TACC2: variants seen among roughly 807,000 people sequenced by gnomAD.
TACC2 encodes transforming acidic coiled-coil-containing protein 2.
Under a neutral mutation model 227.3 loss-of-function variants are expected in TACC2, and 137 were observed. That is an observed-to-expected ratio of 0.60 (90% confidence interval 0.52 to 0.69). The LOEUF is 0.69. TACC2 is among the 30% of genes least tolerant of loss of function. TACC2 has a pLI of 0.00. For synonymous variants in TACC2, 1,523 were observed against 1,487.5 expected, an observed-to-expected ratio of 1.02 and a Z score of -0.55; for missense variants, 3,470 against 3,694.4, an observed-to-expected ratio of 0.94 and a Z score of 1.57.
intron 22 of TACC2, 86 bp downstream of exon 22, chr10:122,249,750 C>A (rs1422452023): frequency 6.9e-6 from 10 of 1,458,170 alleles, no homozygotes; most frequent in Non-Finnish European, 9.2e-6. Flanking sequence ...GGCTGGGCTT[C>A]CCTGGCCACT....
chr10:122,202,976 G>GT (rs1404209527), intron 8 of TACC2, among the ~76,000 whole-genome samples: 1 of 151,494 alleles, frequency 6.6e-6, no homozygotes, highest in African/African-American at 2.4e-5. Flanking sequence ...AGGGTTGGGG[G>GT]TAAGGTCACA....
intron 3 of TACC2, among the ~76,000 whole-genome samples, chr10:122,068,811 G>A (rs1395012301): frequency 6.7e-6 from 1 of 150,370 alleles, no homozygotes. Context: ...CTACAGACGC[G>A]CTCCACCACA....
rs149664604 is a variant in TACC2, at chr10:122,083,953, G to A, written c.1453G>A (p.Asp485Asn). The A allele has an allele frequency of 6.2e-7, 1 of 1,614,076 alleles. No homozygotes were observed. The highest frequency in any genetic ancestry group is 2.2e-5 in the East Asian group (1 of 44,866). ...LGSKGEHPEG[D>N]PGEVPAPSPQ... ...AAGCAAGGGAGAGCATCCAGAAGGGGACCCTGGAGAGGTTCCTGCCCCATC... is the reference window on the plus strand; with the variant it reads ...AAGCAAGGGAGAGCATCCAGAAGGGAACCCTGGAGAGGTTCCTGCCCCATC... The change falls in exon 4 of 23, where the codon GAC (aspartate) becomes AAC (asparagine). Residue 485 changes from aspartate (D) to asparagine (N), a missense_variant. This residue lies in a region of TACC2 where 1,924 missense variants were observed against 1,978.3 expected (regional missense o/e 0.97). Transcript: ENST00000369005.
intron 20 of TACC2, 66 bp from the exon 21 acceptor site, chr10:122,248,984 G>T: frequency 6.6e-7 from 1 of 1,524,656 alleles, no homozygotes. Flanking sequence ...AGTTCCTGGG[G>T]TTCCCACCAG....
intron 3 of TACC2, among the ~76,000 whole-genome samples, chr10:122,056,291 C>T (rs1459281681): frequency 6.6e-6 from 1 of 152,216 alleles, no homozygotes; most frequent in Non-Finnish European, 1.5e-5. Context: ...TCTCCTGCCT[C>T]AGCCTCCCAA....
chr10:122,025,752 T>C (rs533851517), intron 2 of TACC2, among the ~76,000 whole-genome samples: 1 of 150,856 alleles, frequency 6.6e-6, no homozygotes, highest in Non-Finnish European at 1.5e-5. Context: ...TTTTTTGTAT[T>C]TTTAGTAGAG....
chr10:122,029,248 G>A (rs1434622759), intron 2 of TACC2, among the ~76,000 whole-genome samples: 2 of 151,836 alleles, frequency 1.3e-5, no homozygotes, highest in East Asian at 1.9e-4. Context: ...ATGAATGAGT[G>A]TTCGGTTTTG....
At chr10:122,186,592 C>T (rs147118894) in intron 7 of TACC2, among the ~76,000 whole-genome samples, 187 of 123,034 alleles carry the variant, frequency 1.5e-3, no homozygotes, top group African/African-American at 0.012. Flanking sequence ...CTGCTCACTG[C>T]AACCTCTGCC....
At chr10:122,089,940 A>G (rs937944455) in intron 5 of TACC2, among the ~76,000 whole-genome samples, 39 of 152,034 alleles carry the variant, frequency 2.6e-4, no homozygotes, top group African/African-American at 9.4e-4. Flanking sequence ...CTTTTTTGCT[A>G]CTGACTTAGG....
chr10:122,082,953 G>A lies in TACC2; in HGVS notation c.453G>A (p.Ala151=), dbSNP rs774257197. The change falls in exon 4 of 23, where the codon GCG becomes GCA. Residue 151 remains alanine, a synonymous_variant. Coordinates refer to ENST00000369005, the MANE Select transcript of TACC2 (RefSeq NM_206862.4). ...CCCCAAATGCCCCAGGAGACATCGC[G>A]GCGGCATTTCCCGCTGAGAGGGACA... is the stretch of plus-strand genomic sequence containing the variant. ...EPAPNAPGDI[A]AAFPAERDSS... 2.2e-5 allele frequency: 36 copies of A among 1,612,862 alleles called. No homozygotes were observed. In the South Asian group the frequency reaches 3.3e-4, roughly 15 times the overall value.
chr10:122,075,912 G>A (rs997473049), intron 3 of TACC2, among the ~76,000 whole-genome samples: 1 of 152,154 alleles, frequency 6.6e-6, no homozygotes, highest in African/African-American at 2.4e-5. Flanking sequence ...CAATCCTCCT[G>A]CTTCAGCCTC....
At chr10:122,185,018 A>C (rs1466508618) in intron 7 of TACC2, among the ~76,000 whole-genome samples, 1 of 106,988 alleles carries the variant, frequency 9.3e-6, no homozygotes, top group Non-Finnish European at 1.9e-5. Flanking sequence ...TCTGTCACTT[A>C]TTCTTTTTTT....
In TACC2 at chr10:122,248,705, G is replaced by C; in HGVS notation, c.8455G>C (p.Glu2819Gln). 3 of 1,614,078 alleles carry C rather than the reference G, an allele frequency of 1.9e-6. No individual in the cohort carries two copies. The South Asian group carries it at 3.3e-5, about 18-fold the overall frequency. Residue 2819 changes from glutamate (E) to glutamine (Q), a missense_variant, in exon 20 of 23, where the codon GAG becomes CAG. Physicochemically the swap from Glu to Gln is conservative, Grantham distance 29. Around this residue, in one of 10 missense-constraint regions of TACC2, gnomAD observed 65 missense variants for 119.3 expected, o/e 0.54. Coordinates refer to ENST00000369005, the MANE Select transcript of TACC2 (RefSeq NM_206862.4). ...QTVQQLVLEK[E>Q]QALADLNSVE... The stretch of plus-strand genomic sequence containing the variant: ...GGTGCAGCAGCTGGTTCTGGAGAAG[G>C]AGCAAGCCCTGGCCGACCTGAACTC...
At chr10:122,145,652 A>T (rs1013113890) in intron 7 of TACC2, among the ~76,000 whole-genome samples, 2 of 152,092 alleles carry the variant, frequency 1.3e-5, no homozygotes, top group Non-Finnish European at 2.9e-5. Flanking sequence ...CATTTTTTTT[A>T]AAAGAACTTA....
chr10:122,231,385 G>A (rs570431769), intron 16 of TACC2, among the ~76,000 whole-genome samples: 4 of 152,042 alleles, frequency 2.6e-5, no homozygotes, highest in Non-Finnish European at 2.9e-5. Flanking sequence ...GAACCTCTTC[G>A]AGCCTTAGTA....
intron 6 of TACC2, among the ~76,000 whole-genome samples, chr10:122,142,463 T>C (rs2090741823): frequency 6.6e-6 from 1 of 152,196 alleles, no homozygotes; most frequent in Non-Finnish European, 1.5e-5. Flanking sequence ...CAAGACTGAG[T>C]CCTCTGTCCA....
chr10:122,133,945 A>C (rs1281168562), intron 6 of TACC2, among the ~76,000 whole-genome samples: 1 of 152,180 alleles, frequency 6.6e-6, no homozygotes, highest in East Asian at 1.9e-4. Context: ...GGGGACAGGG[A>C]CCTGGGGGCT....
chr10:122,158,574 T>C (rs897031157), intron 7 of TACC2, among the ~76,000 whole-genome samples: 7 of 152,174 alleles, frequency 4.6e-5, no homozygotes, highest in African/African-American at 1.7e-4. Flanking sequence ...GAGTCACCTG[T>C]AGAGCTGTCC....
intron 3 of TACC2, among the ~76,000 whole-genome samples, chr10:122,063,974 C>A (rs1164809085): frequency 6.6e-6 from 1 of 151,776 alleles, no homozygotes; most frequent in Non-Finnish European, 1.5e-5. Context: ...CCAGCCTGGC[C>A]AACATGGTGA....
Sources: allele counts gnomAD v4.1 joint callset (sites outside exome capture counted in the v4.1 genomes callset), GRCh38; gene constraint gnomAD v4.1.1; regional missense constraint gnomAD v4.1.1; transcripts MANE v1.5; gene names NCBI Gene and HGNC (gene_info 2026-07-23, HGNC 2026-07-21).